Variants in PDGFD observed in about 807,000 individuals in gnomAD.
PDGFD encodes the protein platelet derived growth factor D.
A neutral mutation model predicts 44.7 loss-of-function variants in PDGFD; 30 were observed. The ratio of observed to expected loss-of-function variants is 0.67; its 90% CI spans 0.50 to 0.91. The LOEUF is 0.91. Ranked by LOEUF, PDGFD falls within the 40% of genes least tolerant of loss-of-function variation. The pLI is 0.00. For synonymous variants in PDGFD, 173 were observed against 168.4 expected, an observed-to-expected ratio of 1.03 and a Z score of -0.21; for missense variants, 445 against 457.8, an observed-to-expected ratio of 0.97 and a Z score of 0.25.
At chr11:104,084,903 T>A (rs1467859012) in intron 1 of PDGFD, among the ~76,000 whole-genome samples, 1 of 142,230 alleles carries the variant, frequency 7.0e-6, no homozygotes, top group Non-Finnish European at 1.5e-5. Context: ...TGTAATACAA[T>A]GTATATATTT....
At chr11:104,038,364 G>A in intron 1 of PDGFD, 1 of 216,654 alleles carries the variant, frequency 4.6e-6, no homozygotes, top group Non-Finnish European at 1.0e-5. Flanking sequence ...AGAATTCCCT[G>A]GAAAAATGCT....
chr11:104,032,044 G>A (rs950927718), intron 1 of PDGFD, among the ~76,000 whole-genome samples: 3 of 152,064 alleles, frequency 2.0e-5, no homozygotes, highest in African/African-American at 7.2e-5. Flanking sequence ...AATGCATGCT[G>A]GGCTTAATAC....
intron 1 of PDGFD, among the ~76,000 whole-genome samples, chr11:104,077,780 T>A (rs1470462796): frequency 6.6e-6 from 1 of 152,178 alleles, no homozygotes; most frequent in African/African-American, 2.4e-5. Context: ...GGTGAGAATG[T>A]TATTTTGTTC....
At chr11:103,943,256 C>T (rs766413644) in intron 5 of PDGFD, among the ~76,000 whole-genome samples, 196 bp downstream of exon 5, 4 of 152,150 alleles carry the variant, frequency 2.6e-5, no homozygotes, top group South Asian at 2.1e-4. Context: ...GGAATGCTCA[C>T]TGGAACATTT....
At chr11:103,963,539 C>G (rs557285287) in intron 3 of PDGFD, among the ~76,000 whole-genome samples, 4 of 152,264 alleles carry the variant, frequency 2.6e-5, no homozygotes, top group South Asian at 2.1e-4. Context: ...AGTTCCTCAT[C>G]ATCCCCAGCA....
At chr11:104,144,507 C>CAAAAAAAAAAAAAA (rs201864924) in intron 1 of PDGFD, among the ~76,000 whole-genome samples, 10 of 73,802 alleles carry the variant, frequency 1.4e-4, no homozygotes, top group African/African-American at 6.3e-4. Flanking sequence ...ACTCCGTCAC[C>CAAAAAAAAAAAAAA]AAAAAAAAAA....
At chr11:103,999,409 T>C (rs546546621) in intron 2 of PDGFD, among the ~76,000 whole-genome samples, 1 of 152,328 alleles carries the variant, frequency 6.6e-6, no homozygotes, top group South Asian at 2.1e-4. Context: ...AGGCTTTCTT[T>C]GATAAATATG....
intron 1 of PDGFD, among the ~76,000 whole-genome samples, chr11:104,119,974 AG>A (rs1431061752): frequency 1.4e-5 from 2 of 141,414 alleles, no homozygotes; most frequent in Non-Finnish European, 3.0e-5. Context: ...TATATTACAT[AG>A]TATCATAATT....
At chr11:103,975,246 G>A (rs192970426) in intron 3 of PDGFD, among the ~76,000 whole-genome samples, 107 of 152,184 alleles carry the variant, frequency 7.0e-4, no homozygotes, top group Non-Finnish European at 1.4e-3. Context: ...AACCAATGAT[G>A]ATGAGCTTTT....
At chr11:104,074,542 C>T (rs1860926710) in intron 1 of PDGFD, among the ~76,000 whole-genome samples, 1 of 152,128 alleles carries the variant, frequency 6.6e-6, no homozygotes, top group Non-Finnish European at 1.5e-5. Context: ...TGAAGAAAAG[C>T]AGGCATCAAG....
intron 1 of PDGFD, among the ~76,000 whole-genome samples, chr11:104,068,383 A>C (rs1334137280): frequency 6.6e-6 from 1 of 152,174 alleles, no homozygotes; most frequent in Non-Finnish European, 1.5e-5. Flanking sequence ...TCAAACATTG[A>C]TGATTATTCT....
chr11:104,151,021 C>T (rs1591188026), intron 1 of PDGFD, among the ~76,000 whole-genome samples: 3 of 152,186 alleles, frequency 2.0e-5, no homozygotes, highest in African/African-American at 7.2e-5. Flanking sequence ...TAACATTTTG[C>T]AATTTTTATT....
In PDGFD at chr11:104,161,564, T is replaced by A. The variant is rs547713157; in HGVS notation, c.124+2240A>T. 3.3e-5 allele frequency among the ~76,000 whole-genome samples: 5 copies of A among 152,314 alleles called. No homozygotes were observed. In the South Asian group the frequency reaches 1.0e-3, roughly 32 times the overall value. ...ATTTTTTCACTATTGCTAACCTCCA[T>A]CCCTTAAAGACTCTTTTTAGACTTC... On this transcript the variant is annotated intron_variant, in intron 1 of 6. Coordinates refer to ENST00000393158, the MANE Select transcript of PDGFD (RefSeq NM_025208.5).
At chr11:104,099,400 G>C (rs1861335413) in intron 1 of PDGFD, among the ~76,000 whole-genome samples, 1 of 152,060 alleles carries the variant, frequency 6.6e-6, no homozygotes, top group Non-Finnish European at 1.5e-5. Flanking sequence ...AGCATTTTGG[G>C]AGGACAAGGC....
At chr11:104,110,774 G>T (rs1284954045) in intron 1 of PDGFD, among the ~76,000 whole-genome samples, 1 of 152,086 alleles carries the variant, frequency 6.6e-6, no homozygotes. Context: ...CACCTAGGAG[G>T]TTAAGTGTTG....
At chr11:103,941,258 T>G (rs2134321308) in intron 5 of PDGFD, among the ~76,000 whole-genome samples, 1 of 152,158 alleles carries the variant, frequency 6.6e-6, no homozygotes, top group Non-Finnish European at 1.5e-5. Flanking sequence ...GTATTAAATA[T>G]TCAGCCAGAG....
chr11:104,105,000 A>G (rs187164701), intron 1 of PDGFD, among the ~76,000 whole-genome samples: 170 of 152,328 alleles, frequency 1.1e-3, no homozygotes, highest in Middle Eastern at 6.8e-3. Context: ...GCATCATAAA[A>G]GATGAAATGA....
In PDGFD at chr11:104,154,828, T is replaced by C. The variant is rs531803034; in HGVS notation, c.124+8976A>G. ...TTTGCAGTTTCTATGGCTGCTTTTA[T>C]GCTATAATGGTAGAGTTGAGTAGTT... On this transcript the variant is annotated intron_variant, in intron 1 of 6. Coordinates refer to ENST00000393158, the MANE Select transcript of PDGFD (RefSeq NM_025208.5). Among the ~76,000 whole-genome samples, 12 of 152,318 alleles carry C rather than the reference T, an allele frequency of 7.9e-5. 1 individual carries two copies. In the South Asian group the frequency reaches 2.1e-3, roughly 26 times the overall value.
At chr11:103,983,711 A>T (rs577436881) in intron 3 of PDGFD, among the ~76,000 whole-genome samples, 4 of 151,868 alleles carry the variant, frequency 2.6e-5, no homozygotes, top group Non-Finnish European at 5.9e-5. Flanking sequence ...AGGAACTTAG[A>T]TAAATTTACA....
Sources: gnomAD v4.1 joint callset for allele counts (sites outside exome capture counted in the v4.1 genomes callset) on GRCh38, gnomAD v4.1.1 for gene constraint, MANE v1.5 for transcripts, NCBI Gene and HGNC (gene_info 2026-07-23, HGNC 2026-07-21) for gene names.